The following STXBP6 variants were observed in gnomAD, a reference collection of about 807,000 sequenced individuals.
STXBP6 encodes the protein syntaxin-binding protein 6.
Under a neutral mutation model 26.9 loss-of-function variants are expected in STXBP6, and 21 were observed. The observed-to-expected ratio is 0.78, with a 90% CI of 0.55 to 1.12. STXBP6 has a LOEUF of 1.12. STXBP6 is among the 50% of genes most tolerant of loss of function. STXBP6 has a pLI of 0.00. For synonymous variants in STXBP6, 97 were observed against 92.6 expected, an observed-to-expected ratio of 1.05 and a Z score of -0.27; for missense variants, 232 against 257.9, an observed-to-expected ratio of 0.90 and a Z score of 0.69.
intron 2 of STXBP6, among the ~76,000 whole-genome samples, chr14:24,911,002 G>A (rs1566468551): frequency 6.6e-6 from 1 of 152,082 alleles, no homozygotes; most frequent in African/African-American, 2.4e-5. Flanking sequence ...AGCTCGATAT[G>A]CTTTTCTATA....
In STXBP6 at chr14:24,986,868, A is replaced by T. The variant is rs139348690; in HGVS notation, c.-32-12018T>A. On this transcript the variant is annotated intron_variant, in intron 1 of 5. Transcript: ENST00000323944. ...CTCCATGTGAGTGGAATGGGTGGAT[A>T]GGTGGTCATCTCTATTCTATGTCTT... Among the ~76,000 whole-genome samples, 268 of 152,338 alleles carry T rather than the reference A, an allele frequency of 1.8e-3. 3 individuals carry two copies. Among genetic ancestry groups the T allele is most frequent in the African/African-American group, 6.2e-3 (256 of 41,580 alleles).
At chr14:24,859,869 C>A (rs1841610) in intron 2 of STXBP6, among the ~76,000 whole-genome samples, 97,585 of 151,568 alleles carry the variant, frequency 0.64, 31,859 homozygotes, top group Admixed American at 0.73. Context: ...TCTGAAGCAG[C>A]CGATTCTCCG....
intron 4 of STXBP6, among the ~76,000 whole-genome samples, chr14:24,831,542 G>T (rs1056632285): frequency 2.6e-5 from 4 of 152,118 alleles, no homozygotes; most frequent in Admixed American, 6.5e-5. Context: ...AACACAGGAT[G>T]GAAAATTGAA....
At chr14:24,969,606 C>G (rs1485183010) in intron 2 of STXBP6, among the ~76,000 whole-genome samples, 1 of 152,152 alleles carries the variant, frequency 6.6e-6, no homozygotes, top group African/African-American at 2.4e-5. Flanking sequence ...AAACAAAAAA[C>G]TCAAATACAT....
intron 1 of STXBP6, among the ~76,000 whole-genome samples, chr14:25,017,302 G>A (rs1239940647): frequency 6.6e-6 from 1 of 152,196 alleles, no homozygotes; most frequent in Non-Finnish European, 1.5e-5. Context: ...CAGAGCTGGT[G>A]AAAGACCACC....
intron 4 of STXBP6, chr14:24,819,512 C>A: frequency 1.9e-6 from 1 of 516,120 alleles, no homozygotes; most frequent in Non-Finnish European, 3.4e-6. Flanking sequence ...TCTGGATTTA[C>A]AACTTGGCTT....
chr14:24,882,880 A>G (rs367624864), intron 2 of STXBP6, among the ~76,000 whole-genome samples: 2 of 152,190 alleles, frequency 1.3e-5, no homozygotes, highest in East Asian at 1.9e-4. Context: ...AACTTTGTAT[A>G]TTCTTTCAGT....
intron 1 of STXBP6, among the ~76,000 whole-genome samples, chr14:24,993,481 T>G (rs553831272): frequency 6.6e-6 from 1 of 152,174 alleles, no homozygotes; most frequent in Non-Finnish European, 1.5e-5. Flanking sequence ...ATCTTCTGCC[T>G]AGATTACTAC....
At chr14:24,877,628 C>T (rs1377894554) in intron 2 of STXBP6, among the ~76,000 whole-genome samples, 1 of 152,102 alleles carries the variant, frequency 6.6e-6, no homozygotes, top group Non-Finnish European at 1.5e-5. Context: ...TGTATAGCTG[C>T]ATAACATTAA....
chr14:24,930,881 G>A (rs2072361363), intron 2 of STXBP6, among the ~76,000 whole-genome samples: 1 of 151,184 alleles, frequency 6.6e-6, no homozygotes, highest in Non-Finnish European at 1.5e-5. Context: ...GGAGGCCGAG[G>A]CGGGTGGATC....
intron 4 of STXBP6, among the ~76,000 whole-genome samples, chr14:24,831,820 T>C (rs940497149): frequency 6.6e-6 from 1 of 152,084 alleles, no homozygotes; most frequent in African/African-American, 2.4e-5. Context: ...TCATGTAAAA[T>C]AAACTCACAC....
At chr14:25,032,391 T>C (rs2075475132) in intron 1 of STXBP6, among the ~76,000 whole-genome samples, 3 of 152,282 alleles carry the variant, frequency 2.0e-5, no homozygotes, top group African/African-American at 7.2e-5. Context: ...AGGCCTGAAA[T>C]GTAAAACAAT....
chr14:25,049,059 C>G lies in STXBP6; in HGVS notation c.-33+819G>C. On this transcript the variant is annotated intron_variant, in intron 1 of 5. Coordinates refer to ENST00000323944, the MANE Select transcript of STXBP6 (RefSeq NM_001394410.1). This position sits in a 1 kb window ranked among gnomAD's most constrained non-coding sequence, Gnocchi z 5.6. ...GGCCAGAACCAAGGGCAGATACACC[C>G]CGGGGACTTTCTCCTAAAGAACAAG... 1 of 706,002 alleles carries G rather than the reference C, an allele frequency of 1.4e-6. No homozygotes were observed. The highest frequency in any genetic ancestry group is 6.3e-5 in the South Asian group (1 of 15,818). The allele number at this position is 706,002 out of a possible 1,614,324, so 43.7% of individuals were successfully genotyped here. A position where few individuals can be genotyped will look rare whatever the true frequency, so the allele number is the denominator to read the frequency against.
intron 2 of STXBP6, among the ~76,000 whole-genome samples, chr14:24,881,342 T>G (rs142776891): frequency 7.3e-4 from 111 of 152,316 alleles, no homozygotes; most frequent in Non-Finnish European, 1.2e-3. Flanking sequence ...GAATACTCTT[T>G]AAATAATGGC....
At position 24,873,479 on chromosome 14, in the gene STXBP6, A is replaced by G. The variant is rs560318006; in HGVS notation, c.155-16322T>C. ...CATAGTCACTCTCTCATGTGTCCCAATGAATGGTAAAAAAGCCACATTTCC... is the reference window on the plus strand; with the variant it reads ...CATAGTCACTCTCTCATGTGTCCCAGTGAATGGTAAAAAAGCCACATTTCC... On this transcript the variant is annotated intron_variant, in intron 2 of 5. Coordinates refer to ENST00000323944, the MANE Select transcript of STXBP6 (RefSeq NM_001394410.1). Among the ~76,000 whole-genome samples the G allele has an allele frequency of 5.9e-5, 9 of 152,274 alleles. No individual in the cohort carries two copies. In the East Asian group the frequency reaches 7.7e-4, roughly 13 times the overall value.
chr14:24,906,385 T>A (rs911833477), intron 2 of STXBP6, among the ~76,000 whole-genome samples: 1 of 152,166 alleles, frequency 6.6e-6, no homozygotes, highest in Admixed American at 6.5e-5. Context: ...TTTTAATAAT[T>A]TTTTATATAG....
chr14:24,815,898 G>A (rs1449458460), intron 5 of STXBP6: 2 of 152,382 alleles, frequency 1.3e-5, no homozygotes, highest in Non-Finnish European at 2.9e-5. Flanking sequence ...CAGAGTGGAG[G>A]TGGGGGAGTC....
intron 2 of STXBP6, among the ~76,000 whole-genome samples, chr14:24,960,763 C>A (rs1412415916): frequency 6.6e-6 from 1 of 152,180 alleles, no homozygotes; most frequent in East Asian, 1.9e-4. Flanking sequence ...CTTCTTTGAT[C>A]ATTAGTAGAC....
At chr14:24,890,458 G>A (rs1381037666) in intron 2 of STXBP6, among the ~76,000 whole-genome samples, 1 of 152,132 alleles carries the variant, frequency 6.6e-6, no homozygotes, top group Non-Finnish European at 1.5e-5. Flanking sequence ...GTCAGGTGGA[G>A]GAGGATCATG....
Sources: gnomAD v4.1 joint callset for allele counts (sites outside exome capture counted in the v4.1 genomes callset) on GRCh38, gnomAD v4.1.1 for gene constraint, Gnocchi (gnomAD v3.1) non-coding constraint, MANE v1.5 for transcripts, NCBI Gene and HGNC (gene_info 2026-07-23, HGNC 2026-07-21) for gene names.